Variants in BABAM2 observed in about 807,000 individuals in gnomAD.
BABAM2 encodes BRISC and BRCA1-A complex member 2.
Under a neutral mutation model 54.7 loss-of-function variants are expected in BABAM2, and 31 were observed. The observed-to-expected ratio is 0.57, with a 90% CI of 0.43 to 0.77. The LOEUF (loss-of-function observed/expected upper bound fraction) is 0.77. Among genes scored for constraint, BABAM2 ranks in the 30% least tolerant of loss-of-function variants. The pLI is 0.00. For missense variants in BABAM2, 364 were observed against 455.8 expected, an observed-to-expected ratio of 0.80 and a Z score of 1.83; for synonymous variants, 167 against 162.9, an observed-to-expected ratio of 1.03 and a Z score of -0.19.
intron 6 of BABAM2, among the ~76,000 whole-genome samples, chr2:28,109,033 A>G (rs1420949721): frequency 6.6e-6 from 1 of 152,096 alleles, no homozygotes; most frequent in Admixed American, 6.6e-5. Flanking sequence ...TACTAGAAAT[A>G]TTTTTACAAA....
intron 3 of BABAM2, among the ~76,000 whole-genome samples, chr2:27,943,395 C>T (rs1669072789): frequency 6.6e-6 from 1 of 152,190 alleles, no homozygotes; most frequent in Non-Finnish European, 1.5e-5. Flanking sequence ...GACTGATTTG[C>T]CCATTATACT....
At chr2:28,166,491 G>A (rs552489588) in intron 7 of BABAM2, among the ~76,000 whole-genome samples, 1 of 152,248 alleles carries the variant, frequency 6.6e-6, no homozygotes, top group East Asian at 1.9e-4. Flanking sequence ...GATTTGGACC[G>A]CTTCACTTTG....
intron 2 of BABAM2, among the ~76,000 whole-genome samples, chr2:27,917,322 G>A (rs1340895493): frequency 6.6e-6 from 1 of 152,012 alleles, no homozygotes; most frequent in African/African-American, 2.4e-5. Context: ...GGCCCAAAGT[G>A]TTTTTTTAAA....
intron 7 of BABAM2, among the ~76,000 whole-genome samples, chr2:28,178,924 A>G (rs1052942958): frequency 3.9e-5 from 6 of 152,082 alleles, no homozygotes; most frequent in African/African-American, 1.4e-4. Context: ...ATACATACCT[A>G]CCAAGATTGA....
intron 7 of BABAM2, among the ~76,000 whole-genome samples, chr2:28,195,614 T>C (rs561114769): frequency 9.2e-5 from 14 of 152,344 alleles, no homozygotes; most frequent in Non-Finnish European, 1.8e-4. Flanking sequence ...CAGCAGTGAA[T>C]TGTTGTTGAA....
At chr2:28,173,459 T>A (rs1163901476) in intron 7 of BABAM2, among the ~76,000 whole-genome samples, 1 of 152,174 alleles carries the variant, frequency 6.6e-6, no homozygotes, top group Non-Finnish European at 1.5e-5. Flanking sequence ...GGGAGAGAAT[T>A]TTTAAAATGA....
At chr2:28,000,206 TTCTAGGATACCA>T (rs1280984851) in intron 4 of BABAM2, among the ~76,000 whole-genome samples, 1 of 152,226 alleles carries the variant, frequency 6.6e-6, no homozygotes, top group East Asian at 1.9e-4. Flanking sequence ...CCTTTTTCTA[TTCTAGGATACCA>T]TCTAGGATTC....
intron 11 of BABAM2, chr2:28,310,035 C>A (rs769938057): frequency 6.3e-7 from 1 of 1,575,266 alleles, no homozygotes; most frequent in Non-Finnish European, 8.7e-7. Context: ...ATCCTTGAAC[C>A]CTTTTGAAAA....
chr2:28,277,963 C>G (rs149224357), intron 10 of BABAM2, among the ~76,000 whole-genome samples: 42 of 152,262 alleles, frequency 2.8e-4, no homozygotes, highest in African/African-American at 1.0e-3. Context: ...AGAGCTCAGT[C>G]TTGGAAGTGC....
At position 27,942,791 on chromosome 2, in the gene BABAM2, AATTTATTT is replaced by A. The variant is rs34308709; in HGVS notation, c.205+12915_205+12922del. On this transcript the variant is annotated intron_variant, in intron 3 of 11. Coordinates refer to ENST00000379624, the MANE Select transcript of BABAM2 (RefSeq NM_199191.3). ...CTGTTTTACTTATTCTTTCTTAAAA[AATTTATTT>A]ATTTATTTATTTATTTATTTATTTA... Among the ~76,000 whole-genome samples the A allele has an allele frequency of 5.6e-3, 795 of 141,856 alleles. 9 individuals carry two copies. The highest frequency in any genetic ancestry group is 6.2e-3 in the Non-Finnish European group (409 of 65,460). 93.1% of individuals were successfully genotyped at this position (141,856 alleles called of 152,430 possible).
intron 10 of BABAM2, among the ~76,000 whole-genome samples, chr2:28,247,656 G>T (rs1182765672): frequency 6.6e-6 from 1 of 152,180 alleles, no homozygotes; most frequent in Non-Finnish European, 1.5e-5. Context: ...CTTCATGGAG[G>T]TTGAAGACCT....
chr2:28,179,656 G>A (rs183150557), intron 7 of BABAM2, among the ~76,000 whole-genome samples: 2 of 152,230 alleles, frequency 1.3e-5, no homozygotes, highest in South Asian at 2.1e-4. Flanking sequence ...AGAAATAAAG[G>A]CATAACAATC....
At chr2:28,006,464 G>C (rs1673984895) in intron 4 of BABAM2, among the ~76,000 whole-genome samples, 2 of 152,030 alleles carry the variant, frequency 1.3e-5, no homozygotes, top group South Asian at 4.1e-4. Context: ...AATTTGCAGT[G>C]ACATTAGTTT....
At chr2:27,993,784 C>T (rs1160434412) in intron 4 of BABAM2, among the ~76,000 whole-genome samples, 1 of 152,126 alleles carries the variant, frequency 6.6e-6, no homozygotes, top group Admixed American at 6.6e-5. Flanking sequence ...CCTTCAGTGA[C>T]TGTTCTGCTT....
intron 3 of BABAM2, among the ~76,000 whole-genome samples, chr2:27,956,562 G>A (rs1012465710): frequency 2.0e-5 from 3 of 152,140 alleles, no homozygotes; most frequent in African/African-American, 7.2e-5. Flanking sequence ...TATTAAATGA[G>A]TGATACAAAG....
At chr2:28,249,480 C>G (rs970012183) in intron 10 of BABAM2, among the ~76,000 whole-genome samples, 11 of 152,114 alleles carry the variant, frequency 7.2e-5, no homozygotes, top group Non-Finnish European at 1.0e-4. Flanking sequence ...TTTGCAAGAC[C>G]TAAAATATTT....
At chr2:27,962,836 T>A (rs1022706250) in intron 3 of BABAM2, among the ~76,000 whole-genome samples, 10 of 152,244 alleles carry the variant, frequency 6.6e-5, no homozygotes, top group Admixed American at 4.6e-4. Context: ...ATTGTAGCAA[T>A]TGCTTTAGTA....
chr2:28,132,650 A>T (rs1396302371), intron 7 of BABAM2, among the ~76,000 whole-genome samples: 1 of 152,044 alleles, frequency 6.6e-6, no homozygotes, highest in Non-Finnish European at 1.5e-5. Context: ...GAAATACTAT[A>T]CTTTTTCTAA....
At chr2:27,891,905 C>T (rs1326892901) in intron 1 of BABAM2, among the ~76,000 whole-genome samples, 1 of 152,170 alleles carries the variant, frequency 6.6e-6, no homozygotes, top group Non-Finnish European at 1.5e-5. Context: ...TAGAGCAAGG[C>T]TGTTCCCTTT....
Sources: gnomAD v4.1 joint callset for allele counts (sites outside exome capture counted in the v4.1 genomes callset) on GRCh38, gnomAD v4.1.1 for gene constraint, MANE v1.5 for transcripts, NCBI Gene and HGNC (gene_info 2026-07-23, HGNC 2026-07-21) for gene names.